The following THBS2 variants were observed in gnomAD, a reference collection of about 807,000 sequenced individuals.
The protein encoded by THBS2 is thrombospondin-2.
A neutral mutation model predicts 135.2 loss-of-function variants in THBS2; 47 were observed. The observed-to-expected ratio is 0.35, with a 90% CI of 0.28 to 0.44. The LOEUF (loss-of-function observed/expected upper bound fraction) is 0.44. THBS2 is among the 20% of genes least tolerant of loss of function. The probability of loss-of-function intolerance (pLI) is 1.00; values close to 1 mark genes in which losing one functional copy is unlikely to be tolerated. For synonymous variants in THBS2, 639 were observed against 633.8 expected (o/e 1.01, Z -0.12); for missense variants, 1,288 against 1,603.1 (o/e 0.80, Z 3.36).
chr6:169,229,620 G>A lies in THBS2; in HGVS notation c.2211C>T (p.Gly737=), dbSNP rs780517126. 13 of 1,614,042 alleles carry A rather than the reference G, an allele frequency of 8.1e-6. No homozygotes were observed. The highest frequency in any genetic ancestry group is 4.4e-5 in the South Asian group (4 of 91,058). Residue 737 remains glycine (G), a synonymous_variant, in exon 14 of 22, where the codon GGC becomes GGT. Coordinates refer to ENST00000617924, the MANE Select transcript of THBS2 (RefSeq NM_003247.5). The part of the protein sequence containing the change: ...GQEDFDKDGI[G]DACDDDDDND... ...TGTCATCGTCATCATCACAGGCATC[G>A]CCAATCCCGTCCTTGTCAAAGTCTT...
At chr6:169,218,587 ATGGGTGGGTGTG>A (rs1394605655) in intron 21 of THBS2, among the ~76,000 whole-genome samples, 1 of 91,502 alleles carries the variant, frequency 1.1e-5, no homozygotes, top group African/African-American at 4.3e-5. Context: ...GATGGATGAG[ATGGGTGGGTGTG>A]TGGGTGGGTG....
At chr6:169,224,226 G>A (rs1026114772) in intron 17 of THBS2, among the ~76,000 whole-genome samples, 3 of 152,212 alleles carry the variant, frequency 2.0e-5, no homozygotes, top group Non-Finnish European at 2.9e-5. Flanking sequence ...CAGCTACCAC[G>A]TGGCAGGCAC....
At chr6:169,220,414 G>A in intron 20 of THBS2, 77 bp from the exon 21 acceptor site, 1 of 1,525,844 alleles carries the variant, frequency 6.6e-7, no homozygotes, top group Non-Finnish European at 8.9e-7. Context: ...AGTGATGGAA[G>A]GTTGGCTCCG....
chr6:169,230,420 G>A (rs1176600160), intron 13 of THBS2, among the ~76,000 whole-genome samples: 4 of 152,110 alleles, frequency 2.6e-5, no homozygotes, highest in Non-Finnish European at 5.9e-5. Flanking sequence ...CAGAACCTGG[G>A]GTCTTGTGCT....
At chr6:169,234,946 C>T in intron 9 of THBS2, 39 bp from the exon 10 acceptor site, 6 of 1,574,356 alleles carry the variant, frequency 3.8e-6, no homozygotes, top group Non-Finnish European at 5.2e-6. Flanking sequence ...CAGAGCAAGA[C>T]CCGGGGTGGA....
intron 16 of THBS2, 151 bp downstream of exon 16, chr6:169,226,029 T>G (rs780627949): frequency 3.3e-5 from 24 of 724,668 alleles, no homozygotes; most frequent in Non-Finnish European, 4.8e-5. Flanking sequence ...AGGGGACTGA[T>G]GAGGACCTGA....
intron 4 of THBS2, among the ~76,000 whole-genome samples, chr6:169,244,299 G>A (rs1264653800): frequency 7.1e-6 from 1 of 139,970 alleles, no homozygotes; most frequent in Non-Finnish European, 1.5e-5. Context: ...GCACCTACTA[G>A]GGTGTATGCT....
intron 9 of THBS2, among the ~76,000 whole-genome samples, chr6:169,235,486 T>C (rs1212071512): frequency 1.3e-5 from 2 of 152,052 alleles, no homozygotes; most frequent in African/African-American, 4.8e-5. Context: ...CACCCTCTTT[T>C]TCTCAGCACA....
At chr6:169,251,596 C>T (rs1780755808) in intron 1 of THBS2, among the ~76,000 whole-genome samples, 1 of 152,166 alleles carries the variant, frequency 6.6e-6, no homozygotes, top group Non-Finnish European at 1.5e-5. Flanking sequence ...AGGTCCCTTC[C>T]AGCAATTGGT....
chr6:169,250,859 C>T, intron 1 of THBS2, 53 bp from the exon 2 acceptor site: 1 of 1,353,186 alleles, frequency 7.4e-7, no homozygotes, highest in East Asian at 2.5e-5. Context: ...GCAACCCTGC[C>T]TGTGAGCGAG....
chr6:169,243,369 G>A (rs1780441035), intron 4 of THBS2, among the ~76,000 whole-genome samples: 1 of 152,226 alleles, frequency 6.6e-6, no homozygotes, highest in Non-Finnish European at 1.5e-5. Flanking sequence ...CAGGGCCCAG[G>A]CTCTAGGCCG....
chr6:169,236,328 C>G (rs1197626356), intron 9 of THBS2, among the ~76,000 whole-genome samples: 1 of 99,008 alleles, frequency 1.0e-5, no homozygotes, highest in African/African-American at 3.2e-5. Flanking sequence ...CACTCACTCC[C>G]CCATCCACAC....
At position 169,223,365 on chromosome 6, in the gene THBS2, A is replaced by C; in HGVS notation, c.2884T>G (p.Phe962Val). The C allele has an allele frequency of 6.2e-7, 1 of 1,614,180 alleles. No individual in the cohort carries two copies. Among genetic ancestry groups the C allele is most frequent in the Non-Finnish European group, 8.5e-7 (1 of 1,180,038 alleles). The stretch of plus-strand genomic sequence containing the variant: ...TTGGGATCCAAGGGGACCATCTGGA[A>C]GTTCCTGAAGTCTGTCTCACTGATG... ...NAISETDFRN[F>V]QMVPLDPKGT... The change falls in exon 18 of 22, where the codon TTC becomes GTC. Residue 962 changes from phenylalanine to valine, a missense_variant. This residue lies in a region of THBS2 where 874 missense variants were observed against 1,156.1 expected (regional missense o/e 0.76). Transcript: ENST00000617924.
Position 169,248,857 on chromosome 6 carries a change from A to G in THBS2, c.169T>C (p.Phe57Leu), listed in dbSNP as rs1441486694. The G allele has an allele frequency of 6.2e-7, 1 of 1,611,828 alleles. No individual in the cohort carries two copies. Among genetic ancestry groups the G allele is most frequent in the East Asian group, 2.2e-5 (1 of 44,818 alleles). Residue 57 changes from phenylalanine to leucine, a missense_variant, in exon 3 of 22, where the codon TTC becomes CTC. Phe to Leu is a conservative substitution (Grantham distance 22). Around this residue, in one of 2 missense-constraint regions of THBS2, gnomAD observed 414 missense variants for 447.0 expected, o/e 0.93. Coordinates refer to ENST00000617924, the MANE Select transcript of THBS2 (RefSeq NM_003247.5). ...GGTGGGATGTAGTCAAAGCGCACGA[A>G]GCGGTAAGCCGGCACGCCGGGGTCG... ...GPDPGVPAYR[F>L]VRFDYIPPVN... is the part of the protein sequence containing the mutation.
intron 18 of THBS2, 86 bp downstream of exon 18, chr6:169,223,162 G>T: frequency 7.9e-7 from 1 of 1,268,126 alleles, no homozygotes; most frequent in Non-Finnish European, 1.1e-6. Context: ...CATCCCACCT[G>T]CATGATCTTA....
chr6:169,242,658 C>T (rs1780365608), intron 4 of THBS2, among the ~76,000 whole-genome samples: 1 of 78,928 alleles, frequency 1.3e-5, no homozygotes, highest in Non-Finnish European at 2.8e-5. Flanking sequence ...ACCACTCCCA[C>T]CTTCCCACCA....
Position 169,252,401 on chromosome 6 carries a change from G to A in THBS2, c.-23+1323C>T, listed in dbSNP as rs1484278002. ...CTCATCAGCCCACACTGCCGGGTACGTCGCAGTCCCCTAAGGACAGCTGTG... is the reference window on the plus strand; with the variant it reads ...CTCATCAGCCCACACTGCCGGGTACATCGCAGTCCCCTAAGGACAGCTGTG... On this transcript the variant is annotated intron_variant, in intron 1 of 21. Coordinates refer to ENST00000617924, the MANE Select transcript of THBS2 (RefSeq NM_003247.5). This position sits in a 1 kb window ranked among gnomAD's most constrained non-coding sequence, Gnocchi z 4.3. Among the ~76,000 whole-genome samples, 4 of 152,206 alleles carry A rather than the reference G, an allele frequency of 2.6e-5. No homozygotes were observed. Among genetic ancestry groups the A allele is most frequent in the African/African-American group, 9.6e-5 (4 of 41,460 alleles).
At chr6:169,224,127 G>A (rs1367904888) in intron 17 of THBS2, among the ~76,000 whole-genome samples, 2 of 93,914 alleles carry the variant, frequency 2.1e-5, no homozygotes, top group African/African-American at 5.5e-5. Context: ...TAGCTATCAC[G>A]TGGCCTGCCG....
intron 3 of THBS2, among the ~76,000 whole-genome samples, chr6:169,248,182 TGTGTGTG>T (rs1397579761): frequency 1.3e-5 from 2 of 151,856 alleles, no homozygotes; most frequent in Admixed American, 6.6e-5. Context: ...TGTTTGTGTG[TGTGTGTG>T]GTGTGTGTGC....
Sources: gnomAD v4.1 joint callset for allele counts (sites outside exome capture counted in the v4.1 genomes callset) on GRCh38, gnomAD v4.1.1 for gene constraint, gnomAD v4.1.1 regional missense constraint, Gnocchi (gnomAD v3.1) non-coding constraint, MANE v1.5 for transcripts, NCBI Gene and HGNC (gene_info 2026-07-23, HGNC 2026-07-21) for gene names.